Variants in ANKFN1 observed in about 807,000 individuals in gnomAD.
The protein encoded by ANKFN1 is ankyrin repeat and fibronectin type III domain containing 1, also known as ankyrin repeat and fibronectin type-III domain-containing protein 1.
In ANKFN1, 74 loss-of-function variants were observed where a neutral mutation model predicts 108.7. The observed-to-expected ratio is 0.68, with a 90% CI of 0.56 to 0.83. The LOEUF is 0.83. ANKFN1 is among the 40% of genes least tolerant of loss of function. The pLI is 0.00. For missense variants in ANKFN1, 1,505 were observed against 1,382.3 expected, an observed-to-expected ratio of 1.09 and a Z score of -1.41; for synonymous variants, 547 against 516.2, an observed-to-expected ratio of 1.06 and a Z score of -0.81.
chr17:56,329,231 G>A (rs1460169157), intron 4 of ANKFN1, among the ~76,000 whole-genome samples: 1 of 152,110 alleles, frequency 6.6e-6, no homozygotes, highest in African/African-American at 2.4e-5. Context: ...AAAGGTCCTG[G>A]TGTGGTTGAT....
intron 6 of ANKFN1, among the ~76,000 whole-genome samples, chr17:56,364,221 T>C (rs2046601230): frequency 6.6e-6 from 1 of 152,132 alleles, no homozygotes; most frequent in African/African-American, 2.4e-5. Context: ...TATCAATTTA[T>C]AATAAAATAA....
At position 56,498,772 on chromosome 17, in the gene ANKFN1, T is replaced by A. The variant is rs2051279530; in HGVS notation, c.2428-110T>A. On this transcript the variant is annotated intron_variant, in intron 19 of 20. Coordinates refer to ENST00000682825, the MANE Select transcript of ANKFN1 (RefSeq NM_001370326.1). ...ATCTATGTTAAAAATATTTTACTCTTGCTCAAAGCCAATATTGCGGAAAAT... is the reference window on the plus strand; with the variant it reads ...ATCTATGTTAAAAATATTTTACTCTAGCTCAAAGCCAATATTGCGGAAAAT... The A allele has an allele frequency of 1.9e-5, 16 of 825,822 alleles. No individual in the cohort carries two copies. The South Asian group carries it at 2.6e-4, about 14-fold the overall frequency. 51.2% of individuals were successfully genotyped at this position (825,822 alleles called of 1,614,324 possible).
At chr17:56,453,890 A>C (rs2049583634) in intron 11 of ANKFN1, among the ~76,000 whole-genome samples, 1 of 152,056 alleles carries the variant, frequency 6.6e-6, no homozygotes, top group Admixed American at 6.6e-5. Flanking sequence ...TTCTATATGA[A>C]ACCTTTTTTT....
chr17:56,443,230 T>C (rs1230749403), intron 10 of ANKFN1, among the ~76,000 whole-genome samples: 1 of 152,200 alleles, frequency 6.6e-6, no homozygotes, highest in Non-Finnish European at 1.5e-5. Context: ...TGGTGGCTCA[T>C]GCCTGTAGTC....
intron 4 of ANKFN1, chr17:56,110,839 G>A (rs1462278510): frequency 1.3e-5 from 2 of 152,244 alleles, no homozygotes; most frequent in African/African-American, 4.8e-5. Flanking sequence ...ACTCCTAGCA[G>A]AAGGTATGCC....
At chr17:56,238,984 T>G (rs888653886) in intron 3 of ANKFN1, among the ~76,000 whole-genome samples, 4 of 152,148 alleles carry the variant, frequency 2.6e-5, no homozygotes, top group African/African-American at 9.7e-5. Flanking sequence ...TTTTAGACTT[T>G]TGCCAAGATC....
intron 2 of ANKFN1, among the ~76,000 whole-genome samples, chr17:56,226,234 A>C (rs1371465978): frequency 1.3e-5 from 2 of 152,120 alleles, no homozygotes; most frequent in Non-Finnish European, 2.9e-5. Context: ...ACTAATAATA[A>C]TAACTTCTTC....
chr17:56,266,941 G>C (rs2043668094), intron 3 of ANKFN1, among the ~76,000 whole-genome samples: 1 of 152,010 alleles, frequency 6.6e-6, no homozygotes, highest in African/African-American at 2.4e-5. Context: ...CCTCTTTTCT[G>C]CCTTGGCTAC....
At chr17:56,326,948 C>T (rs2045533267) in intron 4 of ANKFN1, among the ~76,000 whole-genome samples, 2 of 152,124 alleles carry the variant, frequency 1.3e-5, no homozygotes, top group Admixed American at 1.3e-4. Context: ...GTATTTAAAT[C>T]CTTGCTTGAT....
At chr17:56,262,975 A>C (rs1014484678) in intron 3 of ANKFN1, among the ~76,000 whole-genome samples, 1 of 152,190 alleles carries the variant, frequency 6.6e-6, no homozygotes. Context: ...GAACTGAATT[A>C]TGTCTGTGGC....
intron 3 of ANKFN1, among the ~76,000 whole-genome samples, chr17:56,233,049 G>C (rs2143943988): frequency 6.6e-6 from 1 of 152,062 alleles, no homozygotes; most frequent in South Asian, 2.1e-4. Flanking sequence ...ATTTGTATCT[G>C]CGTCATAAGG....
At chr17:56,114,246 A>G (rs1206638730) in intron 4 of ANKFN1, among the ~76,000 whole-genome samples, 1 of 152,216 alleles carries the variant, frequency 6.6e-6, no homozygotes, top group African/African-American at 2.4e-5. Context: ...GCTTTTAGAA[A>G]CATAACCAAG....
chr17:56,164,767 A>G (rs1283201869), intron 1 of ANKFN1, among the ~76,000 whole-genome samples: 1 of 152,194 alleles, frequency 6.6e-6, no homozygotes, highest in Non-Finnish European at 1.5e-5. Context: ...TAATGCATCA[A>G]TTTGTTTCTC....
At chr17:56,303,851 A>ATTTTT (rs34077118) in intron 3 of ANKFN1, among the ~76,000 whole-genome samples, 8,898 of 131,692 alleles carry the variant, frequency 0.068, 332 homozygotes, top group East Asian at 0.15. Context: ...CGCTGAGCCA[A>ATTTTT]TTTTTTTTTT....
chr17:56,110,686 G>A (rs767757888), intron 4 of ANKFN1, among the ~76,000 whole-genome samples: 2 of 152,234 alleles, frequency 1.3e-5, no homozygotes, highest in Non-Finnish European at 2.9e-5. Flanking sequence ...TAAACTCTGG[G>A]TCTACTGATA....
intron 15 of ANKFN1, among the ~76,000 whole-genome samples, chr17:56,475,061 A>G (rs1038017415): frequency 6.6e-6 from 1 of 152,174 alleles, no homozygotes; most frequent in Non-Finnish European, 1.5e-5. Context: ...TGTTTAAGGC[A>G]TCTGTCCTAA....
Position 56,440,321 on chromosome 17 carries a change from C to G in ANKFN1, c.911-6C>G. On this transcript the variant is annotated splice_region_variant and splice_polypyrimidine_tract_variant and intron_variant, in intron 8 of 20. Coordinates refer to ENST00000682825, the MANE Select transcript of ANKFN1 (RefSeq NM_001370326.1). ...CTCTCTCTCCCTGCCCCCCTACTCC[C>G]TCCAGTGGAATGGAGTATGTCCGAA... 6.3e-7 allele frequency: 1 copy of G among 1,581,634 alleles called. No individual in the cohort carries two copies.
At chr17:56,443,176 C>T (rs1439181909) in intron 10 of ANKFN1, among the ~76,000 whole-genome samples, 2 of 152,166 alleles carry the variant, frequency 1.3e-5, no homozygotes, top group Non-Finnish European at 2.9e-5. Flanking sequence ...CATTATGCCT[C>T]TTATCATCTG....
intron 4 of ANKFN1, among the ~76,000 whole-genome samples, chr17:56,112,791 A>T (rs1294266393): frequency 6.6e-6 from 1 of 152,160 alleles, no homozygotes; most frequent in African/African-American, 2.4e-5. Flanking sequence ...GTTCCATTCT[A>T]TAGATTGCAA....
Sources: allele counts gnomAD v4.1 joint callset (sites outside exome capture counted in the v4.1 genomes callset), GRCh38; gene constraint gnomAD v4.1.1; transcripts MANE v1.5; gene names NCBI Gene and HGNC (gene_info 2026-07-23, HGNC 2026-07-21).